Variants in SORCS2 observed in about 807,000 individuals in gnomAD.
SORCS2 encodes the protein VPS10 domain-containing receptor SorCS2.
A neutral mutation model predicts 141.6 loss-of-function variants in SORCS2; 100 were observed. The observed-to-expected ratio is 0.71, with a 90% CI of 0.60 to 0.83. The LOEUF (loss-of-function observed/expected upper bound fraction) is 0.83, where lower values mean the gene tolerates loss of function less well. Ranked by LOEUF, SORCS2 falls within the 40% of genes least tolerant of loss-of-function variation. The probability of loss-of-function intolerance (pLI) is 0.00; values close to 1 mark genes in which losing one functional copy is unlikely to be tolerated. For missense variants in SORCS2, 1,646 were observed against 1,560.2 expected, an observed-to-expected ratio of 1.05 and a Z score of -0.93; for synonymous variants, 789 against 676.9, an observed-to-expected ratio of 1.17 and a Z score of -2.57.
chr4:7,433,825 G>A, intron 2 of SORCS2: 1 of 1,613,786 alleles, frequency 6.2e-7, no homozygotes, highest in Non-Finnish European at 8.5e-7. Flanking sequence ...GGTGATTTTG[G>A]CCACAAGCTG....
chr4:7,624,651 G>A (rs1719408683), intron 3 of SORCS2, among the ~76,000 whole-genome samples: 1 of 152,218 alleles, frequency 6.6e-6, no homozygotes, highest in Non-Finnish European at 1.5e-5. Flanking sequence ...TGTTCAATTA[G>A]GGGGCAGATA....
chr4:7,214,988 T>C (rs62289675), intron 1 of SORCS2, among the ~76,000 whole-genome samples: 48,481 of 151,774 alleles, frequency 0.32, 8,409 homozygotes, highest in Non-Finnish European at 0.39. Flanking sequence ...GGCCCTCGCT[T>C]GCTCTCGGTG....
Position 7,616,312 on chromosome 4 carries a change from C to T in SORCS2, c.649-22016C>T, listed in dbSNP as rs78146207. Among the ~76,000 whole-genome samples the T allele has an allele frequency of 8.2e-3, 1,245 of 152,238 alleles. 18 individuals carry two copies. Among genetic ancestry groups the T allele is most frequent in the African/African-American group, 0.029 (1,195 of 41,518 alleles). ...ATACATACACACACATCCATCCATC[C>T]ATCCATCTGTCATCTGTCCATTCAC... On this transcript the variant is annotated intron_variant, in intron 3 of 26. Coordinates refer to ENST00000507866, the MANE Select transcript of SORCS2 (RefSeq NM_020777.3).
chr4:7,724,483 A>T (rs868330685), intron 19 of SORCS2, among the ~76,000 whole-genome samples: 5 of 97,444 alleles, frequency 5.1e-5, no homozygotes, highest in African/African-American at 2.4e-4. Flanking sequence ...GATGGTGGTG[A>T]TGGTGGTGGT....
At chr4:7,361,808 G>A (rs547008347) in intron 1 of SORCS2, among the ~76,000 whole-genome samples, 8 of 151,834 alleles carry the variant, frequency 5.3e-5, no homozygotes, top group South Asian at 2.1e-4. Context: ...TGCTAATGCC[G>A]GGCAAGGCTA....
At chr4:7,532,708 G>A (rs980364903) in intron 3 of SORCS2, among the ~76,000 whole-genome samples, 10 of 152,016 alleles carry the variant, frequency 6.6e-5, no homozygotes, top group Admixed American at 2.6e-4. Flanking sequence ...TGGAACGAGG[G>A]GGCTGAGATG....
At chr4:7,535,528 A>G (rs1256985782) in intron 3 of SORCS2, among the ~76,000 whole-genome samples, 1 of 152,226 alleles carries the variant, frequency 6.6e-6, no homozygotes, top group Non-Finnish European at 1.5e-5. Flanking sequence ...AAATGGGGGT[A>G]GTAGCAGCAT....
intron 3 of SORCS2, among the ~76,000 whole-genome samples, chr4:7,605,451 G>A (rs950595696): frequency 2.0e-5 from 3 of 152,196 alleles, no homozygotes; most frequent in African/African-American, 4.8e-5. Flanking sequence ...CTCCAGGGGT[G>A]CAGGGAGAGG....
At chr4:7,280,890 G>A (rs373175052) in intron 1 of SORCS2, among the ~76,000 whole-genome samples, 1 of 152,184 alleles carries the variant, frequency 6.6e-6, no homozygotes, top group Non-Finnish European at 1.5e-5. Context: ...CTTAGGAAGC[G>A]TCATTATCCA....
At chr4:7,417,120 T>C (rs1054768061) in intron 2 of SORCS2, among the ~76,000 whole-genome samples, 1 of 152,186 alleles carries the variant, frequency 6.6e-6, no homozygotes, top group African/African-American at 2.4e-5. Flanking sequence ...TTTTCTGTTA[T>C]GTAGTAAACC....
intron 18 of SORCS2, among the ~76,000 whole-genome samples, chr4:7,721,540 C>T (rs143033187): frequency 1.0e-3 from 156 of 152,330 alleles, no homozygotes; most frequent in African/African-American, 3.3e-3. Context: ...AAAAAAGCCA[C>T]TCCCACATGA....
intron 14 of SORCS2, among the ~76,000 whole-genome samples, chr4:7,707,989 G>A (rs1055802619): frequency 1.3e-5 from 2 of 152,192 alleles, no homozygotes; most frequent in African/African-American, 4.8e-5. Flanking sequence ...GACTGCACAC[G>A]CTGCACCTTG....
chr4:7,662,500 AGTGGGGGCTACTGATCACCT>A (rs1722240325), intron 6 of SORCS2, among the ~76,000 whole-genome samples: 2 of 152,156 alleles, frequency 1.3e-5, no homozygotes, highest in Admixed American at 1.3e-4. Context: ...CTTGAGTACC[AGTGGGGGCTACTGATCACCT>A]GTGTCCCCAG....
intron 2 of SORCS2, among the ~76,000 whole-genome samples, chr4:7,412,201 G>T: frequency 6.6e-6 from 1 of 152,292 alleles, no homozygotes; most frequent in South Asian, 2.1e-4. Flanking sequence ...CTGGTGTTGT[G>T]TGCCACCCGC....
At chr4:7,571,685 T>C (rs1413881503) in intron 3 of SORCS2, among the ~76,000 whole-genome samples, 2 of 151,770 alleles carry the variant, frequency 1.3e-5, no homozygotes, top group Admixed American at 6.6e-5. Context: ...CCCGAAGAAA[T>C]TGGGGGCCTG....
At chr4:7,458,529 C>G (rs917702150) in intron 2 of SORCS2, among the ~76,000 whole-genome samples, 2 of 152,210 alleles carry the variant, frequency 1.3e-5, no homozygotes, top group Admixed American at 6.5e-5. Flanking sequence ...TCCTACATAG[C>G]CCTTTCAGGT....
In SORCS2 at chr4:7,697,212, C is replaced by G. The variant is rs760567628; in HGVS notation, c.1606C>G (p.Gln536Glu). 17 of 1,584,980 alleles carry G rather than the reference C, an allele frequency of 1.1e-5. No individual in the cohort carries two copies. In the East Asian group the frequency reaches 3.9e-4, roughly 36 times the overall value. ...TTTTGGACCAGGTAACCTGGGCTCACAGCTGGTGGAATATAAAGAAGAAAT... is the reference window on the plus strand; with the variant it reads ...TTTTGGACCAGGTAACCTGGGCTCAGAGCTGGTGGAATATAAAGAAGAAAT... ...LIMGAGNLGS[Q>E]LVEYKEEMYI... Residue 536 changes from glutamine to glutamate, a missense_variant, in exon 12 of 27, where the codon CAG (glutamine) becomes GAG (glutamate). Transcript: ENST00000507866.
chr4:7,440,657 C>T (rs1577567352), intron 2 of SORCS2, among the ~76,000 whole-genome samples: 1 of 152,204 alleles, frequency 6.6e-6, no homozygotes, highest in South Asian at 2.1e-4. Context: ...CTCCCATCCC[C>T]TCTGCCTGGT....
chr4:7,652,947 C>T (rs1721534997), intron 4 of SORCS2, among the ~76,000 whole-genome samples: 1 of 152,220 alleles, frequency 6.6e-6, no homozygotes, highest in Admixed American at 6.5e-5. Context: ...TCACCATGTT[C>T]TTTATGAGCC....
Sources: allele counts gnomAD v4.1 joint callset (sites outside exome capture counted in the v4.1 genomes callset), GRCh38; gene constraint gnomAD v4.1.1; transcripts MANE v1.5; gene names NCBI Gene and HGNC (gene_info 2026-07-23, HGNC 2026-07-21).